Variants in DNAH14 observed in about 807,000 individuals in gnomAD.
DNAH14 encodes the protein axonemal beta dynein heavy chain 14.
A neutral mutation model predicts 520.9 loss-of-function variants in DNAH14; 478 were observed. The observed-to-expected ratio is 0.92, with a 90% CI of 0.85 to 0.99. The LOEUF (loss-of-function observed/expected upper bound fraction) is 0.99, where lower values mean the gene tolerates loss of function less well. DNAH14 is among the 50% of genes least tolerant of loss of function. The pLI is 0.00. For synonymous variants in DNAH14, 1,581 were observed against 1,757.2 expected (o/e 0.90, Z 2.51); for missense variants, 4,831 against 5,234.5 (o/e 0.92, Z 2.38).
chr1:225,289,283 A>AGAGTTGGAT (rs920799123), intron 54 of DNAH14, among the ~76,000 whole-genome samples: 2 of 152,284 alleles, frequency 1.3e-5, no homozygotes, highest in African/African-American at 4.8e-5. Context: ...ATTGGGCCTG[A>AGAGTTGGAT]GAGTTGGATG....
chr1:225,245,250 T>G (rs1048470572), intron 43 of DNAH14, among the ~76,000 whole-genome samples: 15 of 152,080 alleles, frequency 9.9e-5, no homozygotes, highest in African/African-American at 3.6e-4. Flanking sequence ...GCTGAGAGAG[T>G]GTTTTACTTC....
chr1:225,058,940 T>A (rs552383499), intron 17 of DNAH14, among the ~76,000 whole-genome samples: 42 of 152,300 alleles, frequency 2.8e-4, no homozygotes, highest in African/African-American at 9.6e-4. Context: ...TGAGGAGAGC[T>A]TTACTTCCAA....
At position 225,387,087 on chromosome 1, in the gene DNAH14, G is replaced by A. The variant is rs548281554; in HGVS notation, c.13078-1292G>A. ...AAAGGATGAGTTCATGTCCTTTGTAGGGACATGGATGAAGCTGGAAACCAT... is the reference window on the plus strand; with the variant it reads ...AAAGGATGAGTTCATGTCCTTTGTAAGGACATGGATGAAGCTGGAAACCAT... On this transcript the variant is annotated intron_variant, in intron 81 of 85. Coordinates refer to ENST00000682510, the MANE Select transcript of DNAH14 (RefSeq NM_001367479.1). Among the ~76,000 whole-genome samples the A allele has an allele frequency of 1.7e-3, 266 of 152,230 alleles. 1 individual carries two copies. The highest frequency in any genetic ancestry group is 6.2e-3 in the African/African-American group (258 of 41,542).
intron 22 of DNAH14, among the ~76,000 whole-genome samples, chr1:225,098,855 G>C (rs971599602): frequency 5.3e-5 from 8 of 152,092 alleles, no homozygotes; most frequent in Admixed American, 1.3e-4. Context: ...AGTTGAAAAA[G>C]ATGTTTTCAA....
At chr1:225,155,473 C>T (rs950758232) in intron 34 of DNAH14, among the ~76,000 whole-genome samples, 15 of 152,104 alleles carry the variant, frequency 9.9e-5, no homozygotes, top group African/African-American at 3.4e-4. Context: ...TGTAAATAGG[C>T]GTCTGTTGTT....
intron 17 of DNAH14, among the ~76,000 whole-genome samples, chr1:225,067,337 A>AT (rs2148464597): frequency 6.6e-6 from 1 of 152,198 alleles, no homozygotes; most frequent in African/African-American, 2.4e-5. Context: ...TAGTGTATAC[A>AT]TACCATATTT....
rs1024186024 is a variant in DNAH14, at chr1:225,346,167, G to A, written c.10884G>A (p.Gln3628=). The change falls in exon 70 of 86, where the codon CAG becomes CAA. Residue 3628 remains glutamine (Q), a synonymous_variant. Transcript: ENST00000682510. ...TCACACAAATCAACTACATGTACCA[G>A]TTCTCCCTAGACTGGTTTCATCAGG... ...ADLTQINYMY[Q]FSLDWFHQVF... is the part of the protein sequence containing the mutation. 2.6e-6 allele frequency: 4 copies of A among 1,551,606 alleles called. No individual in the cohort carries two copies. The highest frequency in any genetic ancestry group is 2.6e-6 in the Non-Finnish European group (3 of 1,146,968).
intron 41 of DNAH14, among the ~76,000 whole-genome samples, chr1:225,222,393 G>A (rs561046799): frequency 6.6e-5 from 10 of 152,242 alleles, no homozygotes; most frequent in Admixed American, 2.6e-4. Flanking sequence ...GAATGAAGCC[G>A]TGGACCTTCA....
At chr1:225,109,679 A>C (rs1471927943) in intron 23 of DNAH14, among the ~76,000 whole-genome samples, 2 of 151,994 alleles carry the variant, frequency 1.3e-5, no homozygotes, top group Admixed American at 1.3e-4. Context: ...TGCTTTTCCA[A>C]CTTGGATGCC....
intron 27 of DNAH14, among the ~76,000 whole-genome samples, chr1:225,126,253 A>G (rs1433089042): frequency 6.6e-6 from 1 of 152,166 alleles, no homozygotes; most frequent in African/African-American, 2.4e-5. Flanking sequence ...TGCTCAATGC[A>G]GGGTTACCAC....
chr1:225,071,165 A>G lies in DNAH14; in HGVS notation c.2425-8042A>G, dbSNP rs969193952. 3.3e-5 allele frequency among the ~76,000 whole-genome samples: 5 copies of G among 152,238 alleles called. No homozygotes were observed. In the East Asian group the frequency reaches 7.7e-4, roughly 24 times the overall value. On this transcript the variant is annotated intron_variant, in intron 17 of 85. Transcript: ENST00000682510. ...CCACTCTGTGTTTTTTAATTGGGAC[A>G]CTTAGTCCGTTTACATTTAAGGTTA...
Position 225,145,286 on chromosome 1 carries a change from C to G in DNAH14, c.4741-40C>G, listed in dbSNP as rs959174557. The G allele has an allele frequency of 3.4e-6, 5 of 1,484,318 alleles. No homozygotes were observed. In the African/African-American group the frequency reaches 7.0e-5, roughly 21 times the overall value. The allele number at this position is 1,484,318 out of a possible 1,614,324, so 91.9% of individuals were successfully genotyped here. On this transcript the variant is annotated intron_variant, in intron 29 of 85. Transcript: ENST00000682510. Reference sequence around the variant, plus strand: ...CAGTTTTAACATTAGTATTTTGTGTCATAATTCAAGAAAGATACTAAAATA... The same window carrying G: ...CAGTTTTAACATTAGTATTTTGTGTGATAATTCAAGAAAGATACTAAAATA...
At chr1:225,339,209 G>C (rs1474038801) in intron 68 of DNAH14, among the ~76,000 whole-genome samples, 1 of 152,008 alleles carries the variant, frequency 6.6e-6, no homozygotes, top group Non-Finnish European at 1.5e-5. Flanking sequence ...TACATGGGAG[G>C]CTGAGGCAGG....
At chr1:225,335,156 T>C (rs1356986506) in intron 66 of DNAH14, among the ~76,000 whole-genome samples, 10 of 147,700 alleles carry the variant, frequency 6.8e-5, no homozygotes, top group Non-Finnish European at 9.0e-5. Flanking sequence ...TGTACATGTG[T>C]GCATGTGTGC....
At chr1:224,978,086 A>G (rs898097073) in intron 8 of DNAH14, among the ~76,000 whole-genome samples, 3 of 152,216 alleles carry the variant, frequency 2.0e-5, no homozygotes, top group African/African-American at 7.2e-5. Flanking sequence ...GCACAACCAT[A>G]TGGAAAAACA....
intron 21 of DNAH14, among the ~76,000 whole-genome samples, chr1:225,086,533 A>G (rs1207085464): frequency 6.6e-6 from 1 of 152,136 alleles, no homozygotes; most frequent in Non-Finnish European, 1.5e-5. Context: ...ACACACATAT[A>G]TATACATGCA....
At chr1:225,308,869 ATCACTGCATGC>A (rs1379444139) in intron 60 of DNAH14, among the ~76,000 whole-genome samples, 3 of 152,190 alleles carry the variant, frequency 2.0e-5, no homozygotes, top group Non-Finnish European at 2.9e-5. Flanking sequence ...GGTTTAGCAA[ATCACTGCATGC>A]TCAACTCTGG....
At chr1:225,003,945 A>G (rs1270920559) in intron 9 of DNAH14, among the ~76,000 whole-genome samples, 4 of 152,174 alleles carry the variant, frequency 2.6e-5, no homozygotes, top group Non-Finnish European at 4.4e-5. Flanking sequence ...GGCATAAAAG[A>G]CTTTAAAATA....
intron 17 of DNAH14, among the ~76,000 whole-genome samples, chr1:225,052,093 A>G (rs1017018858): frequency 2.0e-5 from 3 of 152,068 alleles, no homozygotes; most frequent in African/African-American, 4.8e-5. Flanking sequence ...TTACTACTGG[A>G]CATTATGTTA....
Sources: gnomAD v4.1 joint callset for allele counts (sites outside exome capture counted in the v4.1 genomes callset) on GRCh38, gnomAD v4.1.1 for gene constraint, MANE v1.5 for transcripts, NCBI Gene and HGNC (gene_info 2026-07-23, HGNC 2026-07-21) for gene names.